Variants in SUV39H1 observed in about 807,000 individuals in gnomAD.
SUV39H1 encodes the protein histone-lysine N-methyltransferase SUV39H1.
For missense variants in SUV39H1, 180 were observed against 386.3 expected (o/e 0.47, Z 4.48); for synonymous variants, 141 against 150.5 (o/e 0.94, Z 0.46).
Position 48,696,777 on chromosome X carries a change from G to A in SUV39H1, c.-8G>A. ...GCTAGGCCCGAATGTCGTTAGCCGTGGGGAAAGATGGCGGAAAATTTAAAA... is the reference window on the plus strand; with the variant it reads ...GCTAGGCCCGAATGTCGTTAGCCGTAGGGAAAGATGGCGGAAAATTTAAAA... On this transcript the variant is annotated 5_prime_UTR_variant, in exon 1 of 6. Transcript: ENST00000376687. The A allele has an allele frequency of 1.8e-6, 2 of 1,140,759 alleles. No homozygotes were observed. The highest frequency in any genetic ancestry group is 2.3e-6 in the Non-Finnish European group (2 of 861,632). The allele number at this position is 1,140,759 out of a possible 1,213,427, so 94.0% of individuals were successfully genotyped here. A position where few individuals can be genotyped will look rare whatever the true frequency, so the allele number is the denominator to read the frequency against.
chrX:48,696,687 G>A (rs899139144), upstream of SUV39H1: 45 of 1,074,458 alleles, frequency 4.2e-5, no homozygotes, highest in African/African-American at 8.5e-4. Context: ...TGCGAGTCGG[G>A]AGCCGCGGCC....
intron 2 of SUV39H1, among the ~76,000 whole-genome samples, chrX:48,699,807 A>G (rs1453340149): frequency 9.0e-6 from 1 of 111,110 alleles, no homozygotes; most frequent in Non-Finnish European, 1.9e-5. Flanking sequence ...GAACAGCTAG[A>G]AGGGAGGGAG....
At chrX:48,697,649 T>C (rs1012758956) in intron 1 of SUV39H1, among the ~76,000 whole-genome samples, 3 of 111,691 alleles carry the variant, frequency 2.7e-5, no homozygotes, top group East Asian at 5.6e-4. Context: ...CGAAATAATT[T>C]TGAAAAGCTC....
chrX:48,698,474 G>A (rs191432815), intron 1 of SUV39H1, among the ~76,000 whole-genome samples: 4 of 111,621 alleles, frequency 3.6e-5, no homozygotes, highest in East Asian at 5.6e-4. Context: ...GTGCCCTGGA[G>A]GTTTTAATCT....
At chrX:48,704,422 G>A in intron 3 of SUV39H1, among the ~76,000 whole-genome samples, 1 of 111,316 alleles carries the variant, frequency 9.0e-6, no homozygotes, top group Non-Finnish European at 1.9e-5. Flanking sequence ...CTGTGAGCCT[G>A]GGAGAGGCTG....
rs1557010564 is a variant in SUV39H1 at position 48,708,733 on chromosome X, C to T, written c.*1163C>T. Reference sequence around the variant, plus strand: ...CAAAAGTCACCTGCCTACAAATGTACAAAAGGCGAAGGTTCTGATGGCTGC... The same window carrying T: ...CAAAAGTCACCTGCCTACAAATGTATAAAAGGCGAAGGTTCTGATGGCTGC... On this transcript the variant is annotated 3_prime_UTR_variant, in exon 6 of 6. Transcript: ENST00000376687. 3.6e-5 allele frequency: 4 copies of T among 111,777 alleles called. No homozygotes were observed. Among genetic ancestry groups the T allele is most frequent in the Non-Finnish European group, 1.9e-5 (1 of 53,049 alleles). The allele number at this position is 111,777 out of a possible 1,213,427, so 9.2% of individuals were successfully genotyped here. A position where few individuals can be genotyped will look rare whatever the true frequency, so the allele number is the denominator to read the frequency against.
At chrX:48,696,878 G>C in intron 1 of SUV39H1, 75 bp downstream of exon 1, 1 of 855,537 alleles carries the variant, frequency 1.2e-6, no homozygotes, top group Non-Finnish European at 1.5e-6. Flanking sequence ...TGCCGGCTCG[G>C]GGCCCCGGCG....
upstream of SUV39H1, chrX:48,696,595 G>A: frequency 2.2e-6 from 1 of 463,030 alleles, no homozygotes; most frequent in Non-Finnish European, 3.2e-6. Context: ...CTGGGAAAGC[G>A]CGGCGAGCAC....
chrX:48,700,344 G>T lies in SUV39H1; in HGVS notation c.419G>T (p.Ser140Ile). The T allele has an allele frequency of 1.6e-6, 2 of 1,212,194 alleles. No individual in the cohort carries two copies. Among genetic ancestry groups the T allele is most frequent in the Non-Finnish European group, 2.2e-6 (2 of 895,591 alleles). Reference sequence around the variant, plus strand: ...GAGCAGGAGCTCAATGCCAAGCGCAGCCATCTGGGACGCATCACTGTAGAG... The same window carrying T: ...GAGCAGGAGCTCAATGCCAAGCGCATCCATCTGGGACGCATCACTGTAGAG... ...RWEQELNAKR[S>I]HLGRITVENE... The change falls in exon 3 of 6, where the codon AGC becomes ATC. Residue 140 changes from serine to isoleucine, a missense_variant. By Grantham distance (142) the Ser-to-Ile change is moderately radical. Coordinates refer to ENST00000376687, the MANE Select transcript of SUV39H1 (RefSeq NM_003173.4).
chrX:48,702,189 GGTGTCCACA>G (rs2062477261), intron 3 of SUV39H1, among the ~76,000 whole-genome samples: 1 of 112,299 alleles, frequency 8.9e-6, no homozygotes, highest in African/African-American at 3.2e-5. Flanking sequence ...GAGGTGGGGA[GGTGTCCACA>G]CCCTGAGGGC....
At position 48,698,927 on chromosome X, in the gene SUV39H1, T is replaced by G. The variant is rs782531789; in HGVS notation, c.45T>G (p.Ser15=). 1 of 1,210,549 alleles carries G rather than the reference T, an allele frequency of 8.3e-7. No homozygotes were observed. Among genetic ancestry groups the G allele is most frequent in the South Asian group, 1.8e-5 (1 of 56,620 alleles). ...LKGCSVCCKS[S]WNQLQDLCRL... ...GCTGCAGCGTGTGTTGCAAGTCTTC[T>G]TGGAATCAGCTGCAGGACCTGTGCC... Residue 15 remains serine (S), a synonymous_variant, in exon 2 of 6, where the codon TCT becomes TCG. Transcript: ENST00000376687.
intron 1 of SUV39H1, among the ~76,000 whole-genome samples, chrX:48,697,473 G>A (rs1372100006): frequency 9.0e-6 from 1 of 111,225 alleles, no homozygotes; most frequent in Non-Finnish European, 1.9e-5. Flanking sequence ...GGCCAGTTCC[G>A]GAGCCAGCAG....
Position 48,707,515 on chromosome X carries a change from G to C in SUV39H1, c.1184G>C (p.Arg395Pro), listed in dbSNP as rs1557010351. Reference sequence around the variant, plus strand: ...GGGCTCCCTGGCTCCCCTAAGAAGCGGGTCCGTATTGAATGCAAGTGTGGG... The same window carrying C: ...GGGCTCCCTGGCTCCCCTAAGAAGCCGGTCCGTATTGAATGCAAGTGTGGG... Reference protein sequence around the residue: ...LAGLPGSPKKRVRIECKCGTE... With the variant: ...LAGLPGSPKKPVRIECKCGTE... The change falls in exon 6 of 6, where the codon CGG becomes CCG. Residue 395 changes from arginine (R) to proline (P), a missense_variant. Arg to Pro is a moderately radical substitution (Grantham distance 103). Transcript: ENST00000376687. 4 of 1,211,491 alleles carry C rather than the reference G, an allele frequency of 3.3e-6. No individual in the cohort carries two copies. Among genetic ancestry groups the C allele is most frequent in the Non-Finnish European group, 2.2e-6 (2 of 895,317 alleles).
At chrX:48,701,666 G>T (rs1221668415) in intron 3 of SUV39H1, among the ~76,000 whole-genome samples, 1 of 111,291 alleles carries the variant, frequency 9.0e-6, no homozygotes, top group African/African-American at 3.3e-5. Flanking sequence ...CTAAAGCACA[G>T]CCATAACTAG....
At chrX:48,696,704 C>G, upstream of SUV39H1, 1 of 1,106,788 alleles carries the variant, frequency 9.0e-7, no homozygotes, top group Non-Finnish European at 1.2e-6. Flanking sequence ...GGCCAATAGG[C>G]TGCGCGTTCC....
chrX:48,705,772 G>A (rs2062488876), intron 3 of SUV39H1, among the ~76,000 whole-genome samples: 1 of 111,786 alleles, frequency 8.9e-6, no homozygotes, highest in Admixed American at 9.4e-5. Context: ...TTTCCCCATG[G>A]CCTGGGTCTC....
At chrX:48,704,198 A>G (rs782758036) in intron 3 of SUV39H1, among the ~76,000 whole-genome samples, 3 of 111,578 alleles carry the variant, frequency 2.7e-5, no homozygotes, top group African/African-American at 9.8e-5. Context: ...GGGTTGACCA[A>G]TCATTAGAGA....
chrX:48,707,368 T>G lies in SUV39H1; in HGVS notation c.1106-69T>G. ...TCCCCTGCCTCCTTCCCTACCTTCC[T>G]CCCTCCCTCCTTCTCCCCCTCCCTC... On this transcript the variant is annotated intron_variant, in intron 5 of 5. Coordinates refer to ENST00000376687, the MANE Select transcript of SUV39H1 (RefSeq NM_003173.4). 3.9e-6 allele frequency: 4 copies of G among 1,018,688 alleles called. No homozygotes were observed. The East Asian group carries it at 1.3e-4, about 34-fold the overall frequency. The allele number at this position is 1,018,688 out of a possible 1,213,427, so 84.0% of individuals were successfully genotyped here. A position where few individuals can be genotyped will look rare whatever the true frequency, so the allele number is the denominator to read the frequency against.
At chrX:48,700,910 G>A in intron 3 of SUV39H1, 157 bp downstream of exon 3, 1 of 662,980 alleles carries the variant, frequency 1.5e-6, no homozygotes, top group Non-Finnish European at 2.4e-6. Context: ...TTGGGCAGGG[G>A]CTAGTATTCC....
Sources: gnomAD v4.1 joint callset for allele counts (sites outside exome capture counted in the v4.1 genomes callset) on GRCh38, gnomAD v4.1.1 for gene constraint, MANE v1.5 for transcripts, NCBI Gene and HGNC (gene_info 2026-07-23, HGNC 2026-07-21) for gene names.